The following ADAM22 variants were observed in gnomAD, a reference collection of about 807,000 sequenced individuals.
ADAM22 encodes the protein ADAM metallopeptidase domain 22.
In ADAM22, 65 loss-of-function variants were observed where a neutral mutation model predicts 144.6. The observed-to-expected ratio is 0.45, with a 90% confidence interval of 0.37 to 0.55. The LOEUF (loss-of-function observed/expected upper bound fraction) is 0.55. Ranked by LOEUF, ADAM22 falls within the 20% of genes least tolerant of loss-of-function variation. The pLI, the probability that ADAM22 is intolerant of heterozygous loss-of-function variation, is 0.00. For missense variants in ADAM22, 974 were observed against 1,184.9 expected, an observed-to-expected ratio of 0.82 and a Z score of 2.61; for synonymous variants, 391 against 412.6, an observed-to-expected ratio of 0.95 and a Z score of 0.63.
intron 2 of ADAM22, among the ~76,000 whole-genome samples, chr7:87,962,460 A>G (rs1440195842): frequency 1.3e-5 from 2 of 152,176 alleles, no homozygotes; most frequent in East Asian, 3.9e-4. Context: ...CCTCAATGAG[A>G]GAGGGATAGA....
intron 3 of ADAM22, among the ~76,000 whole-genome samples, chr7:88,032,321 G>A (rs1441317032): frequency 6.6e-6 from 1 of 152,228 alleles, no homozygotes; most frequent in Non-Finnish European, 1.5e-5. Flanking sequence ...GTGTGGCCTG[G>A]ATATGAAACA....
intron 3 of ADAM22, among the ~76,000 whole-genome samples, chr7:87,979,971 T>G (rs545637115): frequency 6.6e-6 from 1 of 152,280 alleles, no homozygotes; most frequent in South Asian, 2.1e-4. Context: ...CATCTGTAAT[T>G]CCTTGACTTT....
rs1462316739 is a variant in ADAM22, at chr7:88,163,027, G to A, written c.1923G>A (p.Lys641=). 8 of 1,609,616 alleles carry A rather than the reference G, an allele frequency of 5.0e-6. No individual in the cohort carries two copies. The highest frequency in any genetic ancestry group is 1.3e-5 in the African/African-American group (1 of 74,616). Residue 641 remains lysine, a synonymous_variant, in exon 23 of 32, where the codon AAG becomes AAA. Coordinates refer to ENST00000413139, the MANE Select transcript of ADAM22 (RefSeq NM_001324418.2). ...RTLNCSGGHV[K]LEEDVDLGYV... ...TTGTTTTTAGTGGTGGGCATGTTAAGCTTGAAGAAGATGTAGATCTTGGCT... is the reference window on the plus strand; with the variant it reads ...TTGTTTTTAGTGGTGGGCATGTTAAACTTGAAGAAGATGTAGATCTTGGCT...
chr7:88,079,122 A>G (rs1181868578), intron 4 of ADAM22, among the ~76,000 whole-genome samples: 1 of 152,230 alleles, frequency 6.6e-6, no homozygotes, highest in East Asian at 1.9e-4. Context: ...CACAAAGGGA[A>G]GCCCATCAGA....
At chr7:87,958,138 G>A (rs1847217115) in intron 2 of ADAM22, among the ~76,000 whole-genome samples, 1 of 152,040 alleles carries the variant, frequency 6.6e-6, no homozygotes, top group Non-Finnish European at 1.5e-5. Context: ...CTGTTTCGCT[G>A]TTATAAGCAG....
intron 3 of ADAM22, among the ~76,000 whole-genome samples, chr7:87,997,483 T>A: frequency 6.6e-6 from 1 of 152,266 alleles, no homozygotes; most frequent in Admixed American, 6.5e-5. Flanking sequence ...CTAAGTCATC[T>A]GGTCTACGCT....
rs1217521782 is a variant in ADAM22 at position 87,978,427 on chromosome 7, G to T, written c.323+15G>T. The T allele has an allele frequency of 3.1e-6, 5 of 1,607,076 alleles. No individual in the cohort carries two copies. The highest frequency in any genetic ancestry group is 3.4e-6 in the Non-Finnish European group (4 of 1,176,436). ...GTGCTAAATCAGTAAGTGTTGAGTTGCACTTGCTTTTGTCAGATACACATT... is the reference window on the plus strand; with the variant it reads ...GTGCTAAATCAGTAAGTGTTGAGTTTCACTTGCTTTTGTCAGATACACATT... On this transcript the variant is annotated intron_variant, in intron 3 of 31. Transcript: ENST00000413139.
intron 3 of ADAM22, among the ~76,000 whole-genome samples, chr7:87,982,667 T>C (rs534598532): frequency 7.1e-5 from 1 of 14,058 alleles, no homozygotes; most frequent in African/African-American, 2.0e-4. Flanking sequence ...GATTCAGTTA[T>C]TACATATATA....
At chr7:88,009,379 C>T (rs1022470407) in intron 3 of ADAM22, among the ~76,000 whole-genome samples, 8 of 152,202 alleles carry the variant, frequency 5.3e-5, no homozygotes, top group South Asian at 2.1e-4. Flanking sequence ...CAATTGGTTA[C>T]GTGGCCATTT....
chr7:88,142,942 A>G (rs1835232382), intron 14 of ADAM22, 84 bp from the exon 15 acceptor site: 1 of 792,838 alleles, frequency 1.3e-6, no homozygotes, highest in South Asian at 1.7e-5. Flanking sequence ...AGAGTAATAT[A>G]CAATTTTAAG....
At chr7:88,178,335 T>C (rs1846194104) in intron 26 of ADAM22, among the ~76,000 whole-genome samples, 1 of 152,164 alleles carries the variant, frequency 6.6e-6, no homozygotes, top group Non-Finnish European at 1.5e-5. Context: ...TGAACAGTTA[T>C]AAAATTACCT....
At chr7:88,113,047 A>T (rs893002996) in intron 5 of ADAM22, among the ~76,000 whole-genome samples, 2 of 149,540 alleles carry the variant, frequency 1.3e-5, no homozygotes, top group Non-Finnish European at 3.0e-5. Flanking sequence ...AAGGATTTGC[A>T]TCCTTCCCTC....
At chr7:87,945,576 C>T (rs917010587) in intron 2 of ADAM22, among the ~76,000 whole-genome samples, 4 of 150,538 alleles carry the variant, frequency 2.7e-5, no homozygotes, top group African/African-American at 9.8e-5. Context: ...GCAGTGGTGC[C>T]ATCTCAGCTC....
At chr7:88,112,930 G>T (rs1177172542) in intron 5 of ADAM22, among the ~76,000 whole-genome samples, 1 of 152,006 alleles carries the variant, frequency 6.6e-6, no homozygotes, top group East Asian at 1.9e-4. Context: ...ACGTTGCCCA[G>T]GCTGGTCTCA....
intron 3 of ADAM22, among the ~76,000 whole-genome samples, chr7:88,019,897 GT>G (rs1331426461): frequency 6.9e-6 from 1 of 145,360 alleles, no homozygotes; most frequent in African/African-American, 2.8e-5. Context: ...GTGTGTGTGT[GT>G]GTGTGTAGAT....
intron 7 of ADAM22, among the ~76,000 whole-genome samples, chr7:88,125,042 C>T (rs138269223): frequency 2.4e-4 from 37 of 152,094 alleles, no homozygotes; most frequent in African/African-American, 8.9e-4. Context: ...GGAGATGAAT[C>T]TATACGCATA....
At chr7:88,087,364 C>G (rs1818706056) in intron 4 of ADAM22, among the ~76,000 whole-genome samples, 1 of 152,032 alleles carries the variant, frequency 6.6e-6, no homozygotes, top group Non-Finnish European at 1.5e-5. Flanking sequence ...TTCAGTTATG[C>G]ATTTAGGTAG....
At chr7:87,964,332 A>T (rs981345975) in intron 2 of ADAM22, among the ~76,000 whole-genome samples, 1 of 152,208 alleles carries the variant, frequency 6.6e-6, no homozygotes, top group Non-Finnish European at 1.5e-5. Flanking sequence ...TATGTCTCCT[A>T]ATAATGGTAT....
At chr7:88,086,512 G>C (rs561477265) in intron 4 of ADAM22, among the ~76,000 whole-genome samples, 1 of 152,170 alleles carries the variant, frequency 6.6e-6, no homozygotes, top group East Asian at 1.9e-4. Flanking sequence ...CTTTATGCAA[G>C]AAAAGAAAGA....
Sources: allele counts gnomAD v4.1 joint callset (sites outside exome capture counted in the v4.1 genomes callset), GRCh38; gene constraint gnomAD v4.1.1; transcripts MANE v1.5; gene names NCBI Gene and HGNC (gene_info 2026-07-23, HGNC 2026-07-21).